The following PAX7 variants were observed in gnomAD, a reference collection of about 807,000 sequenced individuals.
The protein encoded by PAX7 is paired box protein Pax-7.
Under a neutral mutation model 50.7 loss-of-function variants are expected in PAX7, and 18 were observed. That is an observed-to-expected ratio of 0.36 (90% CI 0.25 to 0.53). The LOEUF (loss-of-function observed/expected upper bound fraction) is 0.53, where lower values mean the gene tolerates loss of function less well. Among genes scored for constraint, PAX7 ranks in the 20% least tolerant of loss-of-function variants. PAX7 has a pLI of 0.93. For synonymous variants in PAX7, 310 were observed against 290.4 expected (o/e 1.07, Z -0.69); for missense variants, 644 against 702.9 (o/e 0.92, Z 0.95).
intron 7 of PAX7, among the ~76,000 whole-genome samples, chr1:18,707,407 TTTTC>T (rs149298596): frequency 0.087 from 10,047 of 115,698 alleles, 1,144 homozygotes; most frequent in East Asian, 0.3. Flanking sequence ...CCTTTTCTTT[TTTTC>T]TTTCTTTTTT....
Position 18,691,904 on chromosome 1 carries a change from C to T in PAX7, c.737C>T (p.Thr246Ile), listed in dbSNP as rs745619831. ...AGGACCCACTACCCAGACATATACA[C>T]CCGCGAGGAGCTGGCGCAGAGGACC... ...FERTHYPDIY[T>I]REELAQRTKL... The change falls in exon 5 of 9, where the codon ACC becomes ATC. Residue 246 changes from threonine (T) to isoleucine (I), a missense_variant. Thr to Ile is a moderately conservative substitution (Grantham distance 89). Coordinates refer to ENST00000420770, the MANE Select transcript of PAX7 (RefSeq NM_001135254.2). 1 of 1,614,022 alleles carries T rather than the reference C, an allele frequency of 6.2e-7. No individual in the cohort carries two copies. Among genetic ancestry groups the T allele is most frequent in the Non-Finnish European group, 8.5e-7 (1 of 1,180,000 alleles).
rs769083535 is a variant in PAX7, at chr1:18,747,284, C to A, written c.*2355C>A. The A allele has an allele frequency of 8.7e-6, 2 of 229,474 alleles. No homozygotes were observed. Among genetic ancestry groups the A allele is most frequent in the Non-Finnish European group, 1.7e-5 (2 of 115,842 alleles). 14.2% of individuals were successfully genotyped at this position (229,474 alleles called of 1,614,324 possible). A position where few individuals can be genotyped will look rare whatever the true frequency, so the allele number is the denominator to read the frequency against. ...TAGGACCAATCCCAGATATCTGGTC[C>A]CGATGGTGAAATGGAACAAAGACCT... is the stretch of plus-strand genomic sequence containing the variant. On this transcript the variant is annotated 3_prime_UTR_variant, in exon 9 of 9. Transcript: ENST00000420770.
At position 18,743,765 on chromosome 1, in the gene PAX7, A is replaced by C. The variant is rs567628748; in HGVS notation, c.1403-1049A>C. On this transcript the variant is annotated intron_variant, in intron 8 of 8. Coordinates refer to ENST00000420770, the MANE Select transcript of PAX7 (RefSeq NM_001135254.2). ...CATGCAGGTCAAGGGTCATCCCTGC[A>C]CATACACAAATATAGAGGCAGGTAC... 7.9e-5 allele frequency among the ~76,000 whole-genome samples: 12 copies of C among 152,372 alleles called. No homozygotes were observed. In the South Asian group the frequency reaches 2.5e-3, roughly 32 times the overall value.
intron 6 of PAX7, among the ~76,000 whole-genome samples, chr1:18,701,499 T>A (rs1021059645): frequency 4.6e-5 from 7 of 152,072 alleles, no homozygotes; most frequent in African/African-American, 1.7e-4. Context: ...GTTGGAATCA[T>A]GTTGGAATCA....
At chr1:18,640,586 TC>T (rs2088236045) in intron 4 of PAX7, among the ~76,000 whole-genome samples, 4 of 152,086 alleles carry the variant, frequency 2.6e-5, no homozygotes, top group Admixed American at 2.6e-4. Context: ...AGTTCCCTCC[TC>T]TGTAAATGTG....
chr1:18,689,474 G>T (rs1193962551), intron 4 of PAX7, among the ~76,000 whole-genome samples: 1 of 152,082 alleles, frequency 6.6e-6, no homozygotes, highest in Non-Finnish European at 1.5e-5. Context: ...CTGACTCCAG[G>T]TCTCTGCCCT....
At chr1:18,693,996 G>C (rs1314493573) in intron 5 of PAX7, among the ~76,000 whole-genome samples, 2 of 152,232 alleles carry the variant, frequency 1.3e-5, no homozygotes, top group Non-Finnish European at 2.9e-5. Context: ...CCCGCCTCCT[G>C]CGTCTTATTG....
rs751507125 is a variant in PAX7 at position 18,726,897 on chromosome 1, G to T, written c.1156-8735G>T. Among the ~76,000 whole-genome samples the T allele has an allele frequency of 8.5e-5, 13 of 152,184 alleles. No homozygotes were observed. Among genetic ancestry groups the T allele is most frequent in the Non-Finnish European group, 1.6e-4 (11 of 68,040 alleles). ...GTGGCTAGCCCCCACCCTGGTCAGA[G>T]ATGGCAGTCAATGACCCGGTGTTCA... On this transcript the variant is annotated intron_variant, in intron 7 of 8. Transcript: ENST00000420770. The surrounding 1 kb of genome is among the most constrained non-coding windows in gnomAD (Gnocchi z 4.8).
chr1:18,661,831 G>A (rs372354593), intron 4 of PAX7, among the ~76,000 whole-genome samples: 243 of 152,350 alleles, frequency 1.6e-3, no homozygotes, highest in South Asian at 3.5e-3. Context: ...CCCTCTGCCC[G>A]CGCCTTCCAG....
At chr1:18,681,774 G>A (rs934700026) in intron 4 of PAX7, among the ~76,000 whole-genome samples, 2 of 136,056 alleles carry the variant, frequency 1.5e-5, no homozygotes, top group Non-Finnish European at 3.2e-5. Flanking sequence ...TTTTTGATAC[G>A]GCGTTTCATT....
chr1:18,646,861 G>A (rs2088348282), intron 4 of PAX7, among the ~76,000 whole-genome samples: 1 of 150,412 alleles, frequency 6.6e-6, no homozygotes, highest in Non-Finnish European at 1.5e-5. Flanking sequence ...ATCCCGAGAA[G>A]AAAACCGGGG....
In PAX7 at chr1:18,708,579, A is replaced by G. The variant is rs139484523; in HGVS notation, c.1155+5283A>G. Among the ~76,000 whole-genome samples the G allele has an allele frequency of 4.9e-3, 739 of 152,202 alleles. 5 individuals are homozygous for G. Among genetic ancestry groups the G allele is most frequent in the African/African-American group, 0.017 (691 of 41,518 alleles). ...CAAAATTAATTAATTAATTAAAAACATAAAATGACTTAGGATGAAAGGAAC... is the reference window on the plus strand; with the variant it reads ...CAAAATTAATTAATTAATTAAAAACGTAAAATGACTTAGGATGAAAGGAAC... On this transcript the variant is annotated intron_variant, in intron 7 of 8. Coordinates refer to ENST00000420770, the MANE Select transcript of PAX7 (RefSeq NM_001135254.2).
At chr1:18,716,216 G>A (rs575993272) in intron 7 of PAX7, among the ~76,000 whole-genome samples, 1 of 152,324 alleles carries the variant, frequency 6.6e-6, no homozygotes, top group African/African-American at 2.4e-5. Context: ...ACCTGGGTCG[G>A]GTCCCCCAGG....
Position 18,634,575 on chromosome 1 carries a change from C to T in PAX7, c.321+37C>T, listed in dbSNP as rs774655286. 20 of 1,584,484 alleles carry T rather than the reference C, an allele frequency of 1.3e-5. No individual in the cohort carries two copies. The highest frequency in any genetic ancestry group is 4.0e-5 in the African/African-American group (3 of 74,416). On this transcript the variant is annotated intron_variant, in intron 2 of 8. Transcript: ENST00000420770. This position sits in a 1 kb window ranked among gnomAD's most constrained non-coding sequence, Gnocchi z 4.0. ...TGCCACAGAGGCTGGCAGCTGGCTTCCTATAGTCGGGGGCTCCTGGTTGTG... is the reference window on the plus strand; with the variant it reads ...TGCCACAGAGGCTGGCAGCTGGCTTTCTATAGTCGGGGGCTCCTGGTTGTG...
intron 7 of PAX7, among the ~76,000 whole-genome samples, chr1:18,716,717 T>G (rs1280436011): frequency 6.6e-6 from 1 of 151,902 alleles, no homozygotes; most frequent in Non-Finnish European, 1.5e-5. Context: ...CCTCTTTGCC[T>G]GCCTCCTCCC....
intron 4 of PAX7, among the ~76,000 whole-genome samples, chr1:18,659,773 C>A (rs1041418206): frequency 2.0e-5 from 3 of 152,172 alleles, no homozygotes; most frequent in Non-Finnish European, 2.9e-5. Context: ...TCCAGAAAAG[C>A]CTTCAGTCCC....
intron 4 of PAX7, among the ~76,000 whole-genome samples, chr1:18,681,310 A>G (rs1386128239): frequency 6.6e-6 from 1 of 151,940 alleles, no homozygotes; most frequent in Non-Finnish European, 1.5e-5. Flanking sequence ...AAAACTCCAT[A>G]TTAGCTGCAC....
rs116387599 is a variant in PAX7, at chr1:18,683,249, C to T, written c.587-8505C>T. 7.2e-3 allele frequency among the ~76,000 whole-genome samples: 1,103 copies of T among 152,328 alleles called. 21 individuals carry two copies. Among genetic ancestry groups the T allele is most frequent in the African/African-American group, 0.025 (1,027 of 41,574 alleles). ...AATGAATCAAGCGTGGATAGTTTTG[C>T]TCTGTCTCAGCAATGAGAATGCAGC... On this transcript the variant is annotated intron_variant, in intron 4 of 8. Coordinates refer to ENST00000420770, the MANE Select transcript of PAX7 (RefSeq NM_001135254.2).
At chr1:18,681,420 T>A (rs1442110446) in intron 4 of PAX7, among the ~76,000 whole-genome samples, 1 of 152,140 alleles carries the variant, frequency 6.6e-6, no homozygotes, top group Non-Finnish European at 1.5e-5. Flanking sequence ...TGTGCTTGGT[T>A]CACAGCTTGG....
Sources: allele counts gnomAD v4.1 joint callset (sites outside exome capture counted in the v4.1 genomes callset), GRCh38; gene constraint gnomAD v4.1.1; non-coding constraint Gnocchi (gnomAD v3.1); transcripts MANE v1.5; gene names NCBI Gene and HGNC (gene_info 2026-07-23, HGNC 2026-07-21).